CDH4: variants seen among roughly 807,000 people sequenced by gnomAD.
The protein encoded by CDH4 is cadherin 4.
Under a neutral mutation model 86.0 loss-of-function variants are expected in CDH4, and 33 were observed. The observed-to-expected ratio is 0.38, with a 90% CI of 0.29 to 0.51. CDH4 has a LOEUF of 0.51. Ranked by LOEUF, CDH4 falls within the 20% of genes least tolerant of loss-of-function variation. CDH4 has a pLI of 0.86. For synonymous variants in CDH4, 555 were observed against 549.4 expected (o/e 1.01, Z -0.14); for missense variants, 1,114 against 1,307.4 (o/e 0.85, Z 2.28).
At chr20:61,405,230 A>G (rs1447008940) in intron 2 of CDH4, among the ~76,000 whole-genome samples, 1 of 151,096 alleles carries the variant, frequency 6.6e-6, no homozygotes, top group Non-Finnish European at 1.5e-5. Context: ...AGCAGAAGCC[A>G]TGGTCATCTT....
chr20:61,559,186 C>T (rs983472027), intron 2 of CDH4, among the ~76,000 whole-genome samples: 1 of 152,128 alleles, frequency 6.6e-6, no homozygotes, highest in African/African-American at 2.4e-5. Context: ...GGTGTGGTGG[C>T]TTATGCTTCT....
intron 2 of CDH4, among the ~76,000 whole-genome samples, chr20:61,590,172 TG>T (rs1385755853): frequency 7.6e-5 from 5 of 66,118 alleles, no homozygotes; most frequent in African/African-American, 2.8e-4. Flanking sequence ...GAGGGATGGG[TG>T]GGGGGAGGAG....
In CDH4 at chr20:61,676,212, T is replaced by G. The variant is rs1353948058; in HGVS notation, c.170-67351T>G. Among the ~76,000 whole-genome samples the G allele has an allele frequency of 6.6e-6, 1 of 152,192 alleles. No individual in the cohort carries two copies. The highest frequency in any genetic ancestry group is 1.9e-4 in the East Asian group (1 of 5,190). ...TCCGTCATTCCCATTAACATTCGCCTGGTGTCAGGAACGGTCAGGAACGGT... is the reference window on the plus strand; with the variant it reads ...TCCGTCATTCCCATTAACATTCGCCGGGTGTCAGGAACGGTCAGGAACGGT... On this transcript the variant is annotated intron_variant, in intron 2 of 15. Transcript: ENST00000614565. This position sits in a 1 kb window ranked among gnomAD's most constrained non-coding sequence, Gnocchi z 4.5.
chr20:61,324,879 C>G (rs934660410), intron 2 of CDH4, among the ~76,000 whole-genome samples: 1 of 152,166 alleles, frequency 6.6e-6, no homozygotes, highest in Non-Finnish European at 1.5e-5. Context: ...AGCTTTGGGA[C>G]ATGGAACTCG....
rs183376782 is a variant in CDH4 at position 61,544,093 on chromosome 20, C to A, written c.170-199470C>A. On this transcript the variant is annotated intron_variant, in intron 2 of 15. Coordinates refer to ENST00000614565, the MANE Select transcript of CDH4 (RefSeq NM_001794.5). The surrounding 1 kb of genome is among the most constrained non-coding windows in gnomAD (Gnocchi z 6.5). Reference sequence around the variant, plus strand: ...TAAGGTCCTTGGAGGCTGCCCCACGCCCCCTGGCCCCACACCTGCCTCTTG... The same window carrying A: ...TAAGGTCCTTGGAGGCTGCCCCACGACCCCTGGCCCCACACCTGCCTCTTG... 6.6e-6 allele frequency among the ~76,000 whole-genome samples: 1 copy of A among 152,184 alleles called. No individual in the cohort carries two copies. Among genetic ancestry groups the A allele is most frequent in the Non-Finnish European group, 1.5e-5 (1 of 68,020 alleles).
intron 4 of CDH4, among the ~76,000 whole-genome samples, chr20:61,833,363 A>T (rs1273468248): frequency 6.6e-6 from 1 of 151,700 alleles, no homozygotes; most frequent in Non-Finnish European, 1.5e-5. Context: ...TCAATCATCC[A>T]CTCTGGTTTG....
rs1275235214 is a variant in CDH4 at position 61,773,005 on chromosome 20, G to A, written c.399G>A (p.Pro133=). The change falls in exon 4 of 16, where the codon CCG becomes CCA. Residue 133 remains proline, a splice_region_variant and synonymous_variant. Coordinates refer to ENST00000614565, the MANE Select transcript of CDH4 (RefSeq NM_001794.5). ...TTCTCTCCCCTTTCCAAATAAAGCC[G>A]CAGAAAGGAAAGAAGGTCGTGGCTC... is the stretch of plus-strand genomic sequence containing the variant. The part of the protein sequence containing the change: ...QTSSPHSGHK[P]QKGKKVVALD... The A allele has an allele frequency of 1.2e-6, 2 of 1,606,550 alleles. No homozygotes were observed. The highest frequency in any genetic ancestry group is 1.7e-6 in the Non-Finnish European group (2 of 1,175,122).
rs566067117 is a variant in CDH4 at position 61,510,561 on chromosome 20, G to A, written c.170-233002G>A. On this transcript the variant is annotated intron_variant, in intron 2 of 15. Coordinates refer to ENST00000614565, the MANE Select transcript of CDH4 (RefSeq NM_001794.5). This position sits in a 1 kb window ranked among gnomAD's most constrained non-coding sequence, Gnocchi z 4.2. The stretch of plus-strand genomic sequence containing the variant: ...ACTGCCCCAGGAATGGCCCACGGGT[G>A]TCGGGGGTGATGACCGACCTCAGGA... Among the ~76,000 whole-genome samples, 17 of 152,334 alleles carry A rather than the reference G, an allele frequency of 1.1e-4. No homozygotes were observed. In the South Asian group the frequency reaches 3.5e-3, roughly 32 times the overall value.
rs1304079199 is a variant in CDH4, at chr20:61,879,048, TAA to T, written c.1050+5151_1050+5152del. On this transcript the variant is annotated intron_variant, in intron 7 of 15. Transcript: ENST00000614565. This position sits in a 1 kb window ranked among gnomAD's most constrained non-coding sequence, Gnocchi z 4.1. ...TTGTCGGATTTTCAGCAGCAAACAA[TAA>T]AACAACAACAGGTTTTAAGACAACG... Among the ~76,000 whole-genome samples, 1 of 152,192 alleles carries T rather than the reference TAA, an allele frequency of 6.6e-6. No individual in the cohort carries two copies. Among genetic ancestry groups the T allele is most frequent in the Non-Finnish European group, 1.5e-5 (1 of 68,036 alleles).
rs61104409 is a variant in CDH4, at chr20:61,795,851, A to ATGAATGAATGAG, written c.576+22680_576+22681insGTGAATGAATGA. On this transcript the variant is annotated intron_variant, in intron 4 of 15. Transcript: ENST00000614565. ...CATGAGTGAATGAATGAATGAGTGA[A>ATGAATGAATGAG]TGAATGAATGAATGAGTGGATGGAG... 9.9e-5 allele frequency among the ~76,000 whole-genome samples: 15 copies of ATGAATGAATGAG among 151,640 alleles called. No homozygotes were observed. In the East Asian group the frequency reaches 1.6e-3, roughly 16 times the overall value.
intron 11 of CDH4, among the ~76,000 whole-genome samples, chr20:61,926,920 C>T (rs1487082334): frequency 5.9e-5 from 9 of 152,156 alleles, no homozygotes; most frequent in Non-Finnish European, 1.3e-4. Flanking sequence ...GCAGCTGGAA[C>T]ATCGGAGCGT....
chr20:61,478,020 G>A (rs901962049), intron 2 of CDH4, among the ~76,000 whole-genome samples: 2 of 152,220 alleles, frequency 1.3e-5, no homozygotes, highest in African/African-American at 4.8e-5. Context: ...TAAGATGGGA[G>A]TCTGAAGCTG....
At chr20:61,570,692 G>A (rs73914867) in intron 2 of CDH4, 7,164 of 702,372 alleles carry the variant, frequency 0.01, 133 homozygotes, top group African/African-American at 0.056. Flanking sequence ...CCAGAGGAAA[G>A]CGATGCCAAA....
chr20:61,477,090 G>C (rs1031108596), intron 2 of CDH4, among the ~76,000 whole-genome samples: 18 of 152,340 alleles, frequency 1.2e-4, no homozygotes, highest in Non-Finnish European at 2.2e-4. Flanking sequence ...GGACACTGCA[G>C]GGGATGCAGC....
At chr20:61,530,832 C>T (rs1019743325) in intron 2 of CDH4, among the ~76,000 whole-genome samples, 4 of 152,118 alleles carry the variant, frequency 2.6e-5, no homozygotes, top group Admixed American at 1.3e-4. Flanking sequence ...TATCTCCAGC[C>T]TCTTGCAGCC....
intron 2 of CDH4, among the ~76,000 whole-genome samples, chr20:61,571,687 A>G (rs189596102): frequency 2.5e-4 from 38 of 151,902 alleles, no homozygotes. Flanking sequence ...ATAAGACTAC[A>G]TGGCTGTGGT....
intron 2 of CDH4, among the ~76,000 whole-genome samples, chr20:61,561,551 G>A (rs907420795): frequency 5.9e-5 from 9 of 152,206 alleles, no homozygotes; most frequent in Admixed American, 2.0e-4. Context: ...AAAACACAAT[G>A]GCAGGTGGGT....
chr20:61,332,037 G>A (rs2084584203), intron 2 of CDH4, among the ~76,000 whole-genome samples: 2 of 152,222 alleles, frequency 1.3e-5, no homozygotes, highest in South Asian at 4.1e-4. Context: ...GCACAGGTGG[G>A]CTCTGGAAAG....
chr20:61,339,728 C>T (rs2084639765), intron 2 of CDH4, among the ~76,000 whole-genome samples: 2 of 152,142 alleles, frequency 1.3e-5, no homozygotes, highest in Non-Finnish European at 2.9e-5. Context: ...TTCTCCAGAC[C>T]TGTGCCATGG....
Sources: gnomAD v4.1 joint callset for allele counts (sites outside exome capture counted in the v4.1 genomes callset) on GRCh38, gnomAD v4.1.1 for gene constraint, Gnocchi (gnomAD v3.1) non-coding constraint, MANE v1.5 for transcripts, NCBI Gene and HGNC (gene_info 2026-07-23, HGNC 2026-07-21) for gene names.